The following CSMD1 variants were observed in gnomAD, a reference collection of about 807,000 sequenced individuals.
The protein encoded by CSMD1 is CUB and Sushi multiple domains 1, also known as CUB and sushi domain-containing protein 1.
A neutral mutation model predicts 417.5 loss-of-function variants in CSMD1; 213 were observed. The ratio of observed to expected loss-of-function variants is 0.51; its 90% confidence interval spans 0.46 to 0.57. The LOEUF is 0.57. CSMD1 is among the 20% of genes least tolerant of loss of function. CSMD1 has a pLI of 0.00. For missense variants in CSMD1, 6,923 were observed against 4,529.7 expected, an observed-to-expected ratio of 1.53 and a Z score of -15.17; for synonymous variants, 2,862 against 1,736.8, an observed-to-expected ratio of 1.65 and a Z score of -16.11.
At chr8:3,596,871 C>G (rs1232724817) in intron 8 of CSMD1, among the ~76,000 whole-genome samples, 1 of 152,182 alleles carries the variant, frequency 6.6e-6, no homozygotes, top group African/African-American at 2.4e-5. Context: ...TGTGAATATA[C>G]TTGCACCCTA....
At chr8:3,445,851 T>A (rs779322409) in intron 12 of CSMD1, among the ~76,000 whole-genome samples, 1 of 152,118 alleles carries the variant, frequency 6.6e-6, no homozygotes. Context: ...AGAAAGAGTA[T>A]AATTCAAGAT....
rs1230032502 is a variant in CSMD1, at chr8:3,252,540, C to T, written c.4154-22309G>A. On this transcript the variant is annotated intron_variant, in intron 26 of 69. Transcript: ENST00000635120. ...AAAATTCTCTTTTTTTGTTGTGTGT[C>T]TGCCAGGCTTTGGTATCAGGATGAT... Among the ~76,000 whole-genome samples the T allele has an allele frequency of 3.3e-5, 5 of 152,264 alleles. No homozygotes were observed. In the East Asian group the frequency reaches 5.8e-4, roughly 18 times the overall value.
intron 7 of CSMD1, among the ~76,000 whole-genome samples, chr8:3,654,584 A>C (rs184773067): frequency 2.1e-4 from 32 of 152,322 alleles, no homozygotes; most frequent in African/African-American, 6.7e-4. Flanking sequence ...AAAATTGTCT[A>C]CATACTCAAA....
At chr8:4,892,453 G>T (rs6986598) in intron 1 of CSMD1, among the ~76,000 whole-genome samples, 1 of 152,046 alleles carries the variant, frequency 6.6e-6, no homozygotes, top group Admixed American at 6.5e-5. Flanking sequence ...AAAAAAATAG[G>T]TTCATGTCTT....
intron 7 of CSMD1, among the ~76,000 whole-genome samples, chr8:3,679,527 T>A (rs1413578914): frequency 6.6e-6 from 1 of 152,086 alleles, no homozygotes; most frequent in East Asian, 1.9e-4. Context: ...GCACCCAGAT[T>A]CATAAAGCAA....
chr8:3,502,631 A>G (rs547377931), intron 10 of CSMD1, among the ~76,000 whole-genome samples: 95 of 152,272 alleles, frequency 6.2e-4, no homozygotes, highest in African/African-American at 2.2e-3. Flanking sequence ...GTGTTGCAAC[A>G]TTTCAACTGC....
chr8:4,117,169 G>A (rs531387787), intron 3 of CSMD1, among the ~76,000 whole-genome samples: 3 of 151,788 alleles, frequency 2.0e-5, no homozygotes, highest in African/African-American at 7.3e-5. Context: ...CGAATTATCT[G>A]AGTATTATTC....
Position 4,195,597 on chromosome 8 carries a change from A to G in CSMD1, c.416-163498T>C, listed in dbSNP as rs192428158. ...AGAGGTGAGCGTTGTCACTGTCATG[A>G]CTGTGTGATATTATATAAGGCTGCA... On this transcript the variant is annotated intron_variant, in intron 3 of 69. Coordinates refer to ENST00000635120, the MANE Select transcript of CSMD1 (RefSeq NM_033225.6). 5.8e-4 allele frequency among the ~76,000 whole-genome samples: 89 copies of G among 152,182 alleles called. No homozygotes were observed. The Middle Eastern group carries it at 0.014, about 23-fold the overall frequency.
At chr8:3,477,599 C>G (rs6558781) in intron 11 of CSMD1, among the ~76,000 whole-genome samples, 117,765 of 152,078 alleles carry the variant, frequency 0.77, 45,876 homozygotes, top group East Asian at 0.88. Context: ...GAGTTTCAGA[C>G]ATGTGTTGAT....
At chr8:4,177,318 T>A (rs1798107841) in intron 3 of CSMD1, among the ~76,000 whole-genome samples, 1 of 151,878 alleles carries the variant, frequency 6.6e-6, no homozygotes, top group Admixed American at 6.6e-5. Context: ...AACAACCTGC[T>A]CCTGAATGAA....
At chr8:4,656,033 G>C (rs1804208400) in intron 1 of CSMD1, among the ~76,000 whole-genome samples, 1 of 152,108 alleles carries the variant, frequency 6.6e-6, no homozygotes, top group South Asian at 2.1e-4. Context: ...TCTGTTGGGA[G>C]ATGAGTAGTG....
rs1812456085 is a variant in CSMD1, at chr8:3,407,970, C to G, written c.2000G>C (p.Gly667Ala). The G allele has an allele frequency of 1.2e-6, 2 of 1,613,604 alleles. No homozygotes were observed. The highest frequency in any genetic ancestry group is 4.5e-5 in the East Asian group (2 of 44,870). Residue 667 changes from glycine to alanine, a missense_variant, in exon 14 of 70, where the codon GGG (glycine) becomes GCG (alanine). By Grantham distance (60) the Gly-to-Ala change is moderately conservative. Transcript: ENST00000635120. ...NEVPSQLASS[G>A]HIVRLEFQSD... ...CTGAAATTCCAAGCGAACTATATGC[C>G]CACTGCTGGCCAGCTGGGAAGGCAC...
intron 3 of CSMD1, among the ~76,000 whole-genome samples, chr8:4,402,184 A>G (rs1804690008): frequency 1.3e-5 from 2 of 152,074 alleles, no homozygotes; most frequent in African/African-American, 4.8e-5. Context: ...CTACTTCTCC[A>G]AAATTGCGAC....
At chr8:3,997,403 T>C (rs1563299596) in intron 5 of CSMD1, among the ~76,000 whole-genome samples, 1 of 152,154 alleles carries the variant, frequency 6.6e-6, no homozygotes, top group Non-Finnish European at 1.5e-5. Flanking sequence ...CTAAGATGTG[T>C]GTTAAGTTAT....
At chr8:4,299,171 G>A (rs956781628) in intron 3 of CSMD1, among the ~76,000 whole-genome samples, 1 of 152,094 alleles carries the variant, frequency 6.6e-6, no homozygotes, top group Non-Finnish European at 1.5e-5. Context: ...AAAAAGAAAC[G>A]TTGTAAGAAA....
chr8:4,610,986 T>G (rs546132848), intron 2 of CSMD1, among the ~76,000 whole-genome samples: 10 of 152,356 alleles, frequency 6.6e-5, no homozygotes, highest in African/African-American at 2.4e-4. Context: ...CATCCTTTCC[T>G]TGGAAAATAG....
intron 3 of CSMD1, among the ~76,000 whole-genome samples, chr8:4,062,669 T>G (rs1041043635): frequency 6.6e-6 from 1 of 151,814 alleles, no homozygotes; most frequent in East Asian, 1.9e-4. Context: ...AAACACAGAT[T>G]CCTTGTGCAA....
Position 3,976,551 on chromosome 8 carries a change from G to C in CSMD1, c.818+21352C>G, listed in dbSNP as rs867914371. Among the ~76,000 whole-genome samples the C allele has an allele frequency of 6.6e-5, 10 of 152,292 alleles. No individual in the cohort carries two copies. The South Asian group carries it at 8.3e-4, about 13-fold the overall frequency. On this transcript the variant is annotated intron_variant, in intron 5 of 69. Transcript: ENST00000635120. ...TAATATCACAAGAGCCTGTGAAACA[G>C]AGTGTCTTCTCAGCAATTAAGACAA... is the stretch of plus-strand genomic sequence containing the variant.
At chr8:3,484,156 G>T (rs1016530753) in intron 11 of CSMD1, among the ~76,000 whole-genome samples, 4 of 152,178 alleles carry the variant, frequency 2.6e-5, no homozygotes, top group African/African-American at 9.7e-5. Flanking sequence ...AATAAAGTGA[G>T]AAACATCACT....
Sources: gnomAD v4.1 joint callset for allele counts (sites outside exome capture counted in the v4.1 genomes callset) on GRCh38, gnomAD v4.1.1 for gene constraint, MANE v1.5 for transcripts, NCBI Gene and HGNC (gene_info 2026-07-23, HGNC 2026-07-21) for gene names.